SGMS1: variants seen among roughly 807,000 people sequenced by gnomAD.
The protein encoded by SGMS1 is sphingomyelin synthase 1, also known as phosphatidylcholine:ceramide cholinephosphotransferase 1.
A neutral mutation model predicts 46.2 loss-of-function variants in SGMS1; 13 were observed. The ratio of observed to expected loss-of-function variants is 0.28; its 90% CI spans 0.18 to 0.45. The LOEUF (loss-of-function observed/expected upper bound fraction) is 0.45, where lower values mean the gene tolerates loss of function less well. Ranked by LOEUF, SGMS1 falls within the 20% of genes least tolerant of loss-of-function variation. SGMS1 has a pLI of 1.00. For missense variants in SGMS1, 324 were observed against 519.9 expected (o/e 0.62, Z 3.66); for synonymous variants, 203 against 187.8 (o/e 1.08, Z -0.66).
chr10:50,495,075 A>AC (rs1837601934), intron 3 of SGMS1, among the ~76,000 whole-genome samples: 4 of 141,168 alleles, frequency 2.8e-5, no homozygotes, highest in Non-Finnish European at 6.1e-5. Flanking sequence ...AAAAAATACA[A>AC]AAAAAAAAAA....
At chr10:50,315,667 A>T (rs1847327535) in intron 8 of SGMS1, among the ~76,000 whole-genome samples, 1 of 152,182 alleles carries the variant, frequency 6.6e-6, no homozygotes, top group African/African-American at 2.4e-5. Context: ...CTCCATTATA[A>T]CTGGAATTGA....
chr10:50,599,537 T>C (rs1034081866), intron 1 of SGMS1, among the ~76,000 whole-genome samples: 2 of 152,042 alleles, frequency 1.3e-5, no homozygotes, highest in African/African-American at 2.4e-5. Context: ...GAAGAAACCA[T>C]TGCATTAACA....
At chr10:50,390,070 T>G (rs1848743747) in intron 6 of SGMS1, among the ~76,000 whole-genome samples, 1 of 152,224 alleles carries the variant, frequency 6.6e-6, no homozygotes, top group Admixed American at 6.5e-5. Context: ...CCAAAGCAAC[T>G]TCATATTTGA....
intron 8 of SGMS1, among the ~76,000 whole-genome samples, chr10:50,320,506 G>C (rs1249276919): frequency 6.6e-6 from 1 of 152,170 alleles, no homozygotes; most frequent in African/African-American, 2.4e-5. Flanking sequence ...TCAATGGAGA[G>C]AGATGCTTCT....
chr10:50,493,501 C>T (rs773284035), intron 3 of SGMS1, among the ~76,000 whole-genome samples: 1 of 152,102 alleles, frequency 6.6e-6, no homozygotes, highest in African/African-American at 2.4e-5. Flanking sequence ...AGAGCTTCTA[C>T]ATAGCAAAAG....
chr10:50,399,514 A>C (rs1276590532), intron 6 of SGMS1, among the ~76,000 whole-genome samples: 1 of 152,228 alleles, frequency 6.6e-6, no homozygotes. Context: ...TAAATTATAT[A>C]CAATGACACA....
chr10:50,403,948 T>C (rs925717622), intron 6 of SGMS1, among the ~76,000 whole-genome samples: 1 of 151,662 alleles, frequency 6.6e-6, no homozygotes, highest in African/African-American at 2.4e-5. Context: ...TAATATTCCT[T>C]ACACCAAAAT....
intron 3 of SGMS1, among the ~76,000 whole-genome samples, chr10:50,493,167 C>T (rs923651298): frequency 2.0e-5 from 3 of 152,136 alleles, no homozygotes; most frequent in African/African-American, 7.2e-5. Flanking sequence ...AGACTGCATA[C>T]CTACAGCTAT....
rs540685228 is a variant in SGMS1 at position 50,562,371 on chromosome 10, C to T, written c.-589+27782G>A. Among the ~76,000 whole-genome samples the T allele has an allele frequency of 2.9e-3, 434 of 149,612 alleles. 1 individual carries two copies. Among genetic ancestry groups the T allele is most frequent in the African/African-American group, 9.9e-3 (407 of 41,166 alleles). On this transcript the variant is annotated intron_variant, in intron 2 of 10. Transcript: ENST00000361781. ...GTGTGTGTGTGCGCGCGCGCACACA[C>T]ACACACTCACACACGGGCGCGCATG...
intron 3 of SGMS1, among the ~76,000 whole-genome samples, chr10:50,513,499 T>C (rs1837775164): frequency 6.6e-6 from 1 of 152,074 alleles, no homozygotes; most frequent in Admixed American, 6.6e-5. Flanking sequence ...CCAGTTTAGC[T>C]AGGAAATGGA....
intron 2 of SGMS1, among the ~76,000 whole-genome samples, chr10:50,561,250 T>C (rs1838234004): frequency 6.6e-6 from 1 of 152,204 alleles, no homozygotes; most frequent in Non-Finnish European, 1.5e-5. Context: ...GTCCCAGCAT[T>C]TTGCATACAT....
At chr10:50,566,625 A>C (rs1343626351) in intron 2 of SGMS1, among the ~76,000 whole-genome samples, 1 of 152,232 alleles carries the variant, frequency 6.6e-6, no homozygotes, top group Non-Finnish European at 1.5e-5. Flanking sequence ...CTCAAATTCA[A>C]CTAGAAATTC....
intron 6 of SGMS1, among the ~76,000 whole-genome samples, chr10:50,419,016 T>A (rs1849219859): frequency 6.6e-6 from 1 of 152,256 alleles, no homozygotes; most frequent in African/African-American, 2.4e-5. Context: ...AAAATTGTTA[T>A]ATTTTATTAT....
At chr10:50,563,764 AAAG>A (rs1838263680) in intron 2 of SGMS1, among the ~76,000 whole-genome samples, 1 of 151,414 alleles carries the variant, frequency 6.6e-6, no homozygotes, top group East Asian at 1.9e-4. Context: ...AAAAAAAAAA[AAAG>A]AAACTCTTTT....
chr10:50,477,470 A>G (rs1837437750), intron 3 of SGMS1, among the ~76,000 whole-genome samples: 1 of 152,106 alleles, frequency 6.6e-6, no homozygotes, highest in African/African-American at 2.4e-5. Context: ...TTGGACCTGG[A>G]CTTTTGGTTA....
At chr10:50,534,351 A>G (rs1207003824) in intron 2 of SGMS1, among the ~76,000 whole-genome samples, 1 of 152,218 alleles carries the variant, frequency 6.6e-6, no homozygotes, top group East Asian at 1.9e-4. Context: ...GACATTGTGG[A>G]CATTGGCTCA....
rs570535834 is a variant in SGMS1 at position 50,427,254 on chromosome 10, C to T, written c.-232+6222G>A. Among the ~76,000 whole-genome samples the T allele has an allele frequency of 2.0e-5, 3 of 152,230 alleles. No homozygotes were observed. The South Asian group carries it at 6.2e-4, about 32-fold the overall frequency. ...TCTACTAAAAATACAAAAACATTAG[C>T]CGGGTGTGGTGGCGGGCGCCTGTAG... is the stretch of plus-strand genomic sequence containing the variant. On this transcript the variant is annotated intron_variant, in intron 6 of 10. Transcript: ENST00000361781.
chr10:50,376,286 A>G (rs1040197330), intron 6 of SGMS1, among the ~76,000 whole-genome samples: 3 of 152,124 alleles, frequency 2.0e-5, no homozygotes, highest in African/African-American at 7.2e-5. Flanking sequence ...ACCTGTCACC[A>G]GTCCCTAAAG....
intron 2 of SGMS1, among the ~76,000 whole-genome samples, chr10:50,553,365 T>C (rs1318625421): frequency 4.6e-5 from 7 of 152,198 alleles, no homozygotes; most frequent in Admixed American, 4.6e-4. Context: ...TAAGATGGGA[T>C]GATATTCATA....
Sources: allele counts gnomAD v4.1 joint callset (sites outside exome capture counted in the v4.1 genomes callset), GRCh38; gene constraint gnomAD v4.1.1; transcripts MANE v1.5; gene names NCBI Gene and HGNC (gene_info 2026-07-23, HGNC 2026-07-21).